Variants in CACNA1C observed in about 807,000 individuals in gnomAD.
The protein encoded by CACNA1C is calcium voltage-gated channel subunit alpha1 C.
In CACNA1C, 30 loss-of-function variants were observed where a neutral mutation model predicts 229.0. The observed-to-expected ratio is 0.13, with a 90% CI of 0.10 to 0.18. CACNA1C has a LOEUF of 0.18. Ranked by LOEUF, CACNA1C falls within the 10% of genes least tolerant of loss-of-function variation. The pLI is 1.00. For synonymous variants in CACNA1C, 1,114 were observed against 1,132.5 expected (o/e 0.98, Z 0.33); for missense variants, 1,658 against 2,845.0 (o/e 0.58, Z 9.49).
At chr12:2,380,186 T>C (rs902288298) in intron 3 of CACNA1C, among the ~76,000 whole-genome samples, 2 of 152,148 alleles carry the variant, frequency 1.3e-5, no homozygotes, top group Non-Finnish European at 2.9e-5. Flanking sequence ...TGTGTCCAAG[T>C]TATTGATGGT....
chr12:2,535,868 A>G (rs1487375560), intron 9 of CACNA1C, among the ~76,000 whole-genome samples: 5 of 152,248 alleles, frequency 3.3e-5, no homozygotes, highest in Non-Finnish European at 7.3e-5. Context: ...AGGACACGCT[A>G]CATAGCAGGG....
intron 3 of CACNA1C, among the ~76,000 whole-genome samples, chr12:2,301,524 C>T (rs1220432160): frequency 3.3e-5 from 5 of 152,114 alleles, no homozygotes; most frequent in East Asian, 1.9e-4. Flanking sequence ...ATCCGCCCCC[C>T]GCCACCCCAC....
In CACNA1C at chr12:2,319,397, A is replaced by G. The variant is rs537940839; in HGVS notation, c.478-129579A>G. Reference sequence around the variant, plus strand: ...TACCTGATGGGTGGCGTACATGGGCAGCGTACATGATGGCCAGTGTACACG... The same window carrying G: ...TACCTGATGGGTGGCGTACATGGGCGGCGTACATGATGGCCAGTGTACACG... On this transcript the variant is annotated intron_variant, in intron 3 of 46. Transcript: ENST00000399655. This position sits in a 1 kb window ranked among gnomAD's most constrained non-coding sequence, Gnocchi z 4.0. Among the ~76,000 whole-genome samples, 90 of 152,160 alleles carry G rather than the reference A, an allele frequency of 5.9e-4. 4 individuals carry two copies. The South Asian group carries it at 0.017, about 29-fold the overall frequency.
Position 2,467,404 on chromosome 12 carries a change from C to T in CACNA1C, c.757+9698C>T, listed in dbSNP as rs981249985. ...GGACCCTTGCTTCCTGCACGGTCTG[C>T]AAGGGGACTCTGATGGCAATGGTGA... On this transcript the variant is annotated intron_variant, in intron 5 of 46. Transcript: ENST00000399655. This position sits in a 1 kb window ranked among gnomAD's most constrained non-coding sequence, Gnocchi z 4.6. 2.6e-5 allele frequency among the ~76,000 whole-genome samples: 4 copies of T among 152,142 alleles called. No homozygotes were observed. Among genetic ancestry groups the T allele is most frequent in the African/African-American group, 9.7e-5 (4 of 41,446 alleles).
chr12:2,188,012 G>C (rs181478473), intron 3 of CACNA1C, among the ~76,000 whole-genome samples: 273 of 152,364 alleles, frequency 1.8e-3, no homozygotes, highest in African/African-American at 6.4e-3. Context: ...GCTTCTGTGA[G>C]AAGCAGACAC....
intron 15 of CACNA1C, 49 bp downstream of exon 15, chr12:2,582,991 T>C: frequency 7.6e-7 from 1 of 1,321,660 alleles, no homozygotes; most frequent in Non-Finnish European, 1.0e-6. Context: ...GCCCCCAGCC[T>C]GCAGCACAGT....
At chr12:2,450,454 T>A (rs2099355270) in intron 4 of CACNA1C, among the ~76,000 whole-genome samples, 1 of 144,540 alleles carries the variant, frequency 6.9e-6, no homozygotes, top group Non-Finnish European at 1.5e-5. Flanking sequence ...CTCGGGAGGC[T>A]GAGGCAGGAG....
chr12:2,324,351 G>A (rs1468561350), intron 3 of CACNA1C, among the ~76,000 whole-genome samples: 1 of 152,202 alleles, frequency 6.6e-6, no homozygotes, highest in Non-Finnish European at 1.5e-5. Flanking sequence ...TGGATTTTTT[G>A]TCATCTCATT....
At chr12:2,524,749 G>T (rs1319053069) in intron 9 of CACNA1C, among the ~76,000 whole-genome samples, 4 of 152,240 alleles carry the variant, frequency 2.6e-5, no homozygotes, top group Non-Finnish European at 5.9e-5. Flanking sequence ...GGCTTCAGCA[G>T]CCAGGCCTGG....
intron 3 of CACNA1C, among the ~76,000 whole-genome samples, chr12:2,127,916 G>C (rs1034721534): frequency 1.3e-5 from 2 of 152,218 alleles, no homozygotes; most frequent in East Asian, 1.9e-4. Context: ...CCAGGTACCA[G>C]AGCTTTGCGT....
intron 4 of CACNA1C, among the ~76,000 whole-genome samples, chr12:2,450,284 G>C (rs1447294479): frequency 6.6e-6 from 1 of 152,160 alleles, no homozygotes; most frequent in Non-Finnish European, 1.5e-5. Flanking sequence ...GTCAGGCGCG[G>C]TGGCTCACAC....
intron 3 of CACNA1C, among the ~76,000 whole-genome samples, chr12:2,235,100 C>G (rs2066821933): frequency 6.6e-6 from 1 of 152,192 alleles, no homozygotes; most frequent in South Asian, 2.1e-4. Context: ...CTTCCATTTC[C>G]AGTGTCTCTA....
intron 1 of CACNA1C, among the ~76,000 whole-genome samples, chr12:2,088,905 G>A (rs1055470429): frequency 6.6e-6 from 1 of 152,132 alleles, no homozygotes; most frequent in East Asian, 1.9e-4. Context: ...TGCATTAGGC[G>A]GGCTGGGCAC....
rs569455442 is a variant in CACNA1C, at chr12:2,302,592, C to A, written c.478-146384C>A. ...GCCCCTCGGATGCTCCACCAGTGAG[C>A]CAGGGCTTGGGATGGGTAGCGTGCC... On this transcript the variant is annotated intron_variant, in intron 3 of 46. Transcript: ENST00000399655. Among the ~76,000 whole-genome samples the A allele has an allele frequency of 7.3e-4, 111 of 152,146 alleles. 1 individual carries two copies. Among genetic ancestry groups the A allele is most frequent in the African/African-American group, 2.7e-3 (110 of 41,504 alleles).
At chr12:2,642,892 G>A (rs73243585) in intron 30 of CACNA1C, among the ~76,000 whole-genome samples, 4,917 of 152,288 alleles carry the variant, frequency 0.032, 282 homozygotes, top group African/African-American at 0.11. Context: ...GTGTGTTTCT[G>A]GCAGGTAATA....
intron 29 of CACNA1C, chr12:2,615,067 A>G (rs2079775830): frequency 6.6e-6 from 1 of 152,120 alleles, no homozygotes; most frequent in African/African-American, 2.4e-5. Flanking sequence ...ACCTGCAGGC[A>G]TGGTTTGAAG....
chr12:2,262,862 G>A (rs1045807373), intron 3 of CACNA1C, among the ~76,000 whole-genome samples: 1 of 152,172 alleles, frequency 6.6e-6, no homozygotes, highest in African/African-American at 2.4e-5. Flanking sequence ...ACAAATAATG[G>A]TCAAGGGCTG....
intron 3 of CACNA1C, among the ~76,000 whole-genome samples, chr12:2,238,801 C>A (rs922028097): frequency 6.6e-6 from 1 of 152,190 alleles, no homozygotes; most frequent in African/African-American, 2.4e-5. Context: ...AGGAGAAAAT[C>A]TGCCTGGTTA....
chr12:2,127,219 C>T (rs917485202), intron 3 of CACNA1C, among the ~76,000 whole-genome samples: 6 of 152,108 alleles, frequency 3.9e-5, no homozygotes, highest in Admixed American at 1.3e-4. Flanking sequence ...TTGAATCACC[C>T]GACATGGGGC....
Sources: allele counts gnomAD v4.1 joint callset (sites outside exome capture counted in the v4.1 genomes callset), GRCh38; gene constraint gnomAD v4.1.1; non-coding constraint Gnocchi (gnomAD v3.1); transcripts MANE v1.5; gene names NCBI Gene and HGNC (gene_info 2026-07-23, HGNC 2026-07-21).